Variants in IQSEC1 observed in about 807,000 individuals in gnomAD.
IQSEC1 encodes IQ motif and Sec7 domain ArfGEF 1, also known as IQ motif and SEC7 domain-containing protein 1.
In IQSEC1, 31 loss-of-function variants were observed where a neutral mutation model predicts 91.0. The observed-to-expected ratio is 0.34, with a 90% CI of 0.26 to 0.46. IQSEC1 has a LOEUF of 0.46. Among genes scored for constraint, IQSEC1 ranks in the 20% least tolerant of loss-of-function variants. The probability of loss-of-function intolerance (pLI) is 1.00; values close to 1 mark genes in which losing one functional copy is unlikely to be tolerated. For synonymous variants in IQSEC1, 699 were observed against 662.6 expected, an observed-to-expected ratio of 1.05 and a Z score of -0.84; for missense variants, 1,388 against 1,575.6, an observed-to-expected ratio of 0.88 and a Z score of 2.02.
Position 12,909,371 on chromosome 3 carries a change from T to C in IQSEC1, c.2480A>G (p.Asn827Ser). The stretch of plus-strand genomic sequence containing the variant: ...GTCTTGAGGGTTGGGGGCGTTGAAG[T>C]TTATTAACACTTTGATATCTGCTCC... ...VPGADIKVLI[N>S]FNAPNPQDRK... Residue 827 changes from asparagine to serine, a missense_variant, in exon 11 of 14, where the codon AAC (asparagine) becomes AGC (serine). Asn to Ser is a conservative substitution (Grantham distance 46). This residue lies in a region of IQSEC1 where 1,059 missense variants were observed against 1,317.8 expected (regional missense o/e 0.80). Coordinates refer to ENST00000613206, the MANE Select transcript of IQSEC1 (RefSeq NM_001134382.3). The surrounding 1 kb of genome is among the most constrained non-coding windows in gnomAD (Gnocchi z 4.9). 1 of 1,614,132 alleles carries C rather than the reference T, an allele frequency of 6.2e-7. No individual in the cohort carries two copies. Among genetic ancestry groups the C allele is most frequent in the East Asian group, 2.2e-5 (1 of 44,882 alleles).
At chr3:13,122,258 G>A (rs1362098736) in intron 2 of IQSEC1, among the ~76,000 whole-genome samples, 1 of 152,266 alleles carries the variant, frequency 6.6e-6, no homozygotes. Context: ...TGTGCCAGAT[G>A]GGCGGAGAGC....
chr3:13,100,492 T>C lies in IQSEC1; in HGVS notation c.303-52970A>G, dbSNP rs1181724757. Among the ~76,000 whole-genome samples the C allele has an allele frequency of 3.4e-5, 5 of 148,800 alleles. 2 individuals carry two copies. The highest frequency in any genetic ancestry group is 1.3e-4 in the African/African-American group (5 of 39,474). ...ACCTGGAGGGTCTGGGCTTTCAGCA[T>C]GGACCAACTTCCTGAACACCTCCTT... On this transcript the variant is annotated intron_variant, in intron 2 of 15. Coordinates refer to the IQSEC1 transcript ENST00000648114.
At chr3:13,183,803 C>T (rs962862266) in intron 1 of IQSEC1, among the ~76,000 whole-genome samples, 4 of 152,122 alleles carry the variant, frequency 2.6e-5, no homozygotes, top group Non-Finnish European at 5.9e-5. Flanking sequence ...CTATAGTTTG[C>T]TGACCCATGC....
At chr3:13,104,710 C>A (rs764299936) in intron 2 of IQSEC1, among the ~76,000 whole-genome samples, 3 of 152,230 alleles carry the variant, frequency 2.0e-5, no homozygotes, top group Non-Finnish European at 4.4e-5. Context: ...CCCATCATGG[C>A]CCCTTCCTCT....
chr3:13,049,864 A>T (rs1032338447), intron 1 of IQSEC1, among the ~76,000 whole-genome samples: 1 of 152,218 alleles, frequency 6.6e-6, no homozygotes, highest in Non-Finnish European at 1.5e-5. Flanking sequence ...CATGGGTCCA[A>T]GGAATTGAGC....
chr3:13,071,792 GAACCAGAGGCCACTGCCATCCCCCA>G (rs1477931887), intron 1 of IQSEC1, among the ~76,000 whole-genome samples: 257 of 78,816 alleles, frequency 3.3e-3, no homozygotes, highest in African/African-American at 0.013. Flanking sequence ...GCCATTCCCT[GAACCAGAGGCCACTGCCATCCCCCA>G]AACCAGAGGC....
chr3:13,128,899 A>G (rs1328872670), intron 2 of IQSEC1, among the ~76,000 whole-genome samples: 4 of 148,280 alleles, frequency 2.7e-5, no homozygotes, highest in East Asian at 2.0e-4. Flanking sequence ...AAAAAAAAAG[A>G]AATGTTACAT....
At chr3:12,911,324 A>G (rs1326166361) in intron 10 of IQSEC1, among the ~76,000 whole-genome samples, 6 of 152,226 alleles carry the variant, frequency 3.9e-5, no homozygotes, top group African/African-American at 1.2e-4. Context: ...ATGTTTTTCT[A>G]TCAACATTTA....
chr3:13,039,446 C>CT (rs1704169084), intron 1 of IQSEC1, among the ~76,000 whole-genome samples: 1 of 152,210 alleles, frequency 6.6e-6, no homozygotes, highest in African/African-American at 2.4e-5. Flanking sequence ...CTTTCATACT[C>CT]TTAAGTTTGG....
intron 2 of IQSEC1, among the ~76,000 whole-genome samples, chr3:13,091,595 A>G (rs1705862390): frequency 6.6e-6 from 1 of 152,110 alleles, no homozygotes; most frequent in East Asian, 1.9e-4. Flanking sequence ...TGGGGTGTGA[A>G]AGGACCCAGA....
At chr3:13,144,275 G>A (rs1270118102) in intron 2 of IQSEC1, among the ~76,000 whole-genome samples, 2 of 152,204 alleles carry the variant, frequency 1.3e-5, no homozygotes, top group African/African-American at 2.4e-5. Flanking sequence ...TGGACTGCAC[G>A]CCCGGGCTCT....
chr3:12,945,337 C>T (rs541919392), intron 1 of IQSEC1, among the ~76,000 whole-genome samples: 4 of 152,138 alleles, frequency 2.6e-5, no homozygotes, highest in South Asian at 2.1e-4. Context: ...TGGGAGTGGC[C>T]GGGCCTCCCT....
intron 2 of IQSEC1, among the ~76,000 whole-genome samples, chr3:13,155,511 A>T (rs1287434140): frequency 6.6e-6 from 1 of 152,214 alleles, no homozygotes; most frequent in East Asian, 1.9e-4. Context: ...AAAGCCCTGG[A>T]CCTGATGGCT....
At chr3:13,056,059 C>A (rs1240216384) in intron 1 of IQSEC1, among the ~76,000 whole-genome samples, 1 of 152,154 alleles carries the variant, frequency 6.6e-6, no homozygotes, top group Non-Finnish European at 1.5e-5. Flanking sequence ...ATGAGTGTCT[C>A]GGGTCAGGCC....
rs529104529 is a variant in IQSEC1, at chr3:12,913,595, CCTCTA to C, written c.2191-47_2191-43del. 1.6e-5 allele frequency: 25 copies of C among 1,578,144 alleles called. No individual in the cohort carries two copies. The African/African-American group carries it at 3.0e-4, about 19-fold the overall frequency. Reference sequence around the variant, plus strand: ...TGTCCTGCCACGGCCGCCCAGCTCTCCTCTAGGAGCCCTGGGGGCCGCAGTGGAGA... The same window carrying C: ...TGTCCTGCCACGGCCGCCCAGCTCTCGGAGCCCTGGGGGCCGCAGTGGAGA... On this transcript the variant is annotated intron_variant, in intron 8 of 13. Transcript: ENST00000613206.
chr3:13,256,650 G>T (rs1283667144), intron 1 of IQSEC1, among the ~76,000 whole-genome samples: 1 of 152,240 alleles, frequency 6.6e-6, no homozygotes, highest in African/African-American at 2.4e-5. Flanking sequence ...CTGAGCAAGC[G>T]CTGGGGATGC....
chr3:13,007,530 G>A (rs114611838), intron 1 of IQSEC1, among the ~76,000 whole-genome samples: 2,099 of 152,324 alleles, frequency 0.014, 59 homozygotes, highest in African/African-American at 0.048. Context: ...AGGAACTTGC[G>A]CGAGTCACTT....
intron 1 of IQSEC1, among the ~76,000 whole-genome samples, chr3:13,010,530 G>A (rs915051634): frequency 6.6e-6 from 1 of 152,162 alleles, no homozygotes; most frequent in African/African-American, 2.4e-5. Context: ...GGCTGTCCGG[G>A]AATGAAGTCA....
chr3:13,247,657 C>G (rs566791341), intron 1 of IQSEC1, among the ~76,000 whole-genome samples: 5 of 152,302 alleles, frequency 3.3e-5, no homozygotes, highest in East Asian at 1.9e-4. Flanking sequence ...AGTCTCGATG[C>G]CATCACATCA....
Sources: gnomAD v4.1 joint callset for allele counts (sites outside exome capture counted in the v4.1 genomes callset) on GRCh38, gnomAD v4.1.1 for gene constraint, gnomAD v4.1.1 regional missense constraint, Gnocchi (gnomAD v3.1) non-coding constraint, MANE v1.5 for transcripts, NCBI Gene and HGNC (gene_info 2026-07-23, HGNC 2026-07-21) for gene names.